Variants in DNMBP observed in about 807,000 individuals in gnomAD.
The protein encoded by DNMBP is dynamin binding protein.
Under a neutral mutation model 150.0 loss-of-function variants are expected in DNMBP, and 87 were observed. The observed-to-expected ratio is 0.58, with a 90% CI of 0.49 to 0.69. The LOEUF is 0.69. Ranked by LOEUF, DNMBP falls within the 30% of genes least tolerant of loss-of-function variation. DNMBP has a pLI of 0.00. For missense variants in DNMBP, 1,774 were observed against 1,949.0 expected (o/e 0.91, Z 1.69); for synonymous variants, 711 against 750.4 (o/e 0.95, Z 0.86).
Position 99,879,101 on chromosome 10 carries a change from A to AAAC in DNMBP, c.4548+709_4548+710insGTT, listed in dbSNP as rs1554857510. Among the ~76,000 whole-genome samples, 467 of 135,160 alleles carry AAAC rather than the reference A, an allele frequency of 3.5e-3. 20 individuals carry two copies. Among genetic ancestry groups the AAAC allele is most frequent in the Non-Finnish European group, 5.5e-3 (353 of 64,660 alleles). 88.7% of individuals were successfully genotyped at this position (135,160 alleles called of 152,430 possible). On this transcript the variant is annotated intron_variant, in intron 16 of 16. Coordinates refer to ENST00000324109, the MANE Select transcript of DNMBP (RefSeq NM_015221.4). ...CTCTGTCTCAAAAAAAAAAAAAAAA[A>AAAC]CCCAAAACGTTTGAGATACAAAGCC... is the stretch of plus-strand genomic sequence containing the variant.
In DNMBP at chr10:99,953,813, CA is replaced by C. The variant is rs747545477; in HGVS notation, c.2260+1400del. 4.5e-3 allele frequency among the ~76,000 whole-genome samples: 225 copies of C among 50,404 alleles called. 4 individuals carry two copies. Among genetic ancestry groups the C allele is most frequent in the African/African-American group, 0.02 (182 of 8,964 alleles). 33.1% of individuals were successfully genotyped at this position (50,404 alleles called of 152,430 possible). ...TGGGTGACAGAGTAAGACTCTGTCT[CA>C]AAAAAAAAAAGAAAAAAAAGAAATC... is the stretch of plus-strand genomic sequence containing the variant. On this transcript the variant is annotated intron_variant, in intron 4 of 16. Transcript: ENST00000324109.
chr10:99,895,575 G>A (rs186249834), intron 10 of DNMBP, among the ~76,000 whole-genome samples: 19 of 152,298 alleles, frequency 1.2e-4, no homozygotes, highest in African/African-American at 4.6e-4. Flanking sequence ...TTCTTTGCAA[G>A]CCCTCTGCTC....
At chr10:99,882,203 C>A (rs2039377483) in intron 15 of DNMBP, among the ~76,000 whole-genome samples, 1 of 152,124 alleles carries the variant, frequency 6.6e-6, no homozygotes, top group South Asian at 2.1e-4. Context: ...TGCTAGATAC[C>A]AGAGGCTGGG....
At chr10:99,907,966 T>C in intron 6 of DNMBP, 29 bp downstream of exon 6, 1 of 1,578,934 alleles carries the variant, frequency 6.3e-7, no homozygotes, top group Non-Finnish European at 8.7e-7. Flanking sequence ...TTTAAAAAGC[T>C]GCTTCTGAAA....
chr10:99,899,389 G>A (rs2039705472), intron 7 of DNMBP, among the ~76,000 whole-genome samples: 1 of 152,046 alleles, frequency 6.6e-6, no homozygotes, highest in African/African-American at 2.4e-5. Context: ...ATCACTTGAG[G>A]TCAGGAGTTT....
intron 1 of DNMBP, among the ~76,000 whole-genome samples, chr10:100,001,233 T>TAAAAAA (rs71009800): frequency 3.2e-4 from 7 of 21,732 alleles, no homozygotes; most frequent in Non-Finnish European, 4.1e-4. Flanking sequence ...TCCGTCTCAT[T>TAAAAAA]AAAAAAAAAA....
In DNMBP at chr10:99,956,474, C is replaced by T; in HGVS notation, c.1000G>A (p.Val334Ile). Reference sequence around the variant, plus strand: ...CTGGTTTCATGTCTTTGTTCCTCTACTCCTAAGGTGTTCTCCAAACAATCC... The same window carrying T: ...CTGGTTTCATGTCTTTGTTCCTCTATTCCTAAGGTGTTCTCCAAACAATCC... The part of the protein sequence containing the change: ...SLDCLENTLG[V>I]EEQRHETSDH... Residue 334 changes from valine (V) to isoleucine (I), a missense_variant, in exon 4 of 17, where the codon GTA becomes ATA. Val to Ile is a conservative substitution (Grantham distance 29). This residue lies in a region of DNMBP where 344 missense variants were observed against 456.6 expected (regional missense o/e 0.75). Coordinates refer to ENST00000324109, the MANE Select transcript of DNMBP (RefSeq NM_015221.4). The T allele has an allele frequency of 6.2e-7, 1 of 1,614,158 alleles. No individual in the cohort carries two copies. The highest frequency in any genetic ancestry group is 1.1e-5 in the South Asian group (1 of 91,076).
chr10:99,903,036 C>G (rs2039768852), intron 6 of DNMBP, among the ~76,000 whole-genome samples: 1 of 151,906 alleles, frequency 6.6e-6, no homozygotes, highest in Non-Finnish European at 1.5e-5. Flanking sequence ...CTGGGCTCAA[C>G]CAATCCTCCT....
At chr10:99,888,606 A>G (rs1564717331) in intron 12 of DNMBP, among the ~76,000 whole-genome samples, 3 of 152,084 alleles carry the variant, frequency 2.0e-5, no homozygotes. Context: ...ATCACAAGCT[A>G]TTTTTTAAAA....
At chr10:99,921,692 GAA>G (rs36012766) in intron 4 of DNMBP, among the ~76,000 whole-genome samples, 48 of 140,526 alleles carry the variant, frequency 3.4e-4, no homozygotes, top group Middle Eastern at 7.0e-3. Flanking sequence ...TGTCTCTACT[GAA>G]AAAAAAAAAA....
rs1164738756 is a variant in DNMBP at position 99,955,335 on chromosome 10, TTCTTGAGC to T, written c.2131_2138del (p.Ala711ArgfsTer12). The T allele has an allele frequency of 6.2e-7, 1 of 1,614,230 alleles. No individual in the cohort carries two copies. On this transcript the variant is annotated frameshift_variant, in exon 4 of 17. Transcript: ENST00000324109. LOFTEE classifies it high-confidence loss of function. ...TCTCCTCCAGCATGAGGTTTAGCTC[TTCTTGAGC>T]TCTACTGTACATATCCAAGTCCCGC...
chr10:99,990,839 A>G (rs1427066978), intron 1 of DNMBP, among the ~76,000 whole-genome samples: 12 of 44,350 alleles, frequency 2.7e-4, no homozygotes, highest in Non-Finnish European at 4.8e-4. Context: ...ATACATATAC[A>G]CACACACACA....
intron 4 of DNMBP, among the ~76,000 whole-genome samples, chr10:99,939,602 T>C (rs1188774484): frequency 6.6e-6 from 1 of 152,238 alleles, no homozygotes; most frequent in Non-Finnish European, 1.5e-5. Flanking sequence ...GAAATGGAAA[T>C]AGCCCTTCCA....
rs2039687700 is a variant in DNMBP at position 99,898,282 on chromosome 10, T to C, written c.2724A>G (p.Gly908=). 1 of 1,612,494 alleles carries C rather than the reference T, an allele frequency of 6.2e-7. No individual in the cohort carries two copies. Among genetic ancestry groups the C allele is most frequent in the African/African-American group, 1.3e-5 (1 of 74,936 alleles). ...ADLKSLYNEW[G]CTNYINLGSF... is the part of the protein sequence containing the mutation. ...AGCCCAGGTTAATATAATTTGTGCA[T>C]CCCCTGTAAGAGAAGGAAAAAAGAC... Residue 908 remains glycine, a synonymous_variant, in exon 9 of 17, where the codon GGA becomes GGG. Coordinates refer to ENST00000324109, the MANE Select transcript of DNMBP (RefSeq NM_015221.4).
At chr10:99,988,818 T>A (rs893601058) in intron 1 of DNMBP, among the ~76,000 whole-genome samples, 1 of 152,058 alleles carries the variant, frequency 6.6e-6, no homozygotes, top group Non-Finnish European at 1.5e-5. Flanking sequence ...TGAACCACCA[T>A]ACCCGGCTAA....
At chr10:99,883,500 T>A (rs2039401156) in intron 15 of DNMBP, among the ~76,000 whole-genome samples, 1 of 151,842 alleles carries the variant, frequency 6.6e-6, no homozygotes, top group South Asian at 2.1e-4. Context: ...GTAATATCTA[T>A]AAAATTATTA....
chr10:100,003,879 T>C (rs1380658899), intron 1 of DNMBP, among the ~76,000 whole-genome samples: 1 of 151,812 alleles, frequency 6.6e-6, no homozygotes, highest in Non-Finnish European at 1.5e-5. Context: ...TAAAATAAGA[T>C]GTTAACCCTC....
intron 3 of DNMBP, among the ~76,000 whole-genome samples, chr10:99,967,696 T>G (rs2040634273): frequency 6.6e-6 from 1 of 151,156 alleles, no homozygotes; most frequent in Non-Finnish European, 1.5e-5. Context: ...TGTGTGTGTG[T>G]GTGGGTATGT....
intron 4 of DNMBP, among the ~76,000 whole-genome samples, chr10:99,929,444 T>C (rs2040120678): frequency 1.3e-5 from 2 of 152,318 alleles, no homozygotes; most frequent in East Asian, 3.9e-4. Context: ...GTACAATGCC[T>C]TCCAAAGTAA....
Sources: gnomAD v4.1 joint callset for allele counts (sites outside exome capture counted in the v4.1 genomes callset) on GRCh38, gnomAD v4.1.1 for gene constraint, gnomAD v4.1.1 regional missense constraint, MANE v1.5 for transcripts, NCBI Gene and HGNC (gene_info 2026-07-23, HGNC 2026-07-21) for gene names.